The following LTBP1 variants were observed in gnomAD, a reference collection of about 807,000 sequenced individuals.
LTBP1 encodes latent-transforming growth factor beta-binding protein 1.
Under a neutral mutation model 207.6 loss-of-function variants are expected in LTBP1, and 129 were observed. The observed-to-expected ratio is 0.62, with a 90% CI of 0.54 to 0.72. LTBP1 has a LOEUF of 0.72. Ranked by LOEUF, LTBP1 falls within the 30% of genes least tolerant of loss-of-function variation. LTBP1 has a pLI of 0.00. For synonymous variants in LTBP1, 963 were observed against 833.7 expected, an observed-to-expected ratio of 1.16 and a Z score of -2.67; for missense variants, 2,281 against 2,217.2, an observed-to-expected ratio of 1.03 and a Z score of -0.58.
chr2:33,246,035 C>G (rs1476104939), intron 10 of LTBP1, among the ~76,000 whole-genome samples: 1 of 152,104 alleles, frequency 6.6e-6, no homozygotes, highest in Non-Finnish European at 1.5e-5. Context: ...TGTCATTGCC[C>G]AAATAATTCT....
intron 3 of LTBP1, among the ~76,000 whole-genome samples, chr2:33,040,890 C>T (rs2076149750): frequency 6.6e-6 from 1 of 152,140 alleles, no homozygotes; most frequent in Admixed American, 6.5e-5. Flanking sequence ...CTGGGAGACT[C>T]AGGATAGCAG....
chr2:33,289,483 C>T (rs978865693), intron 19 of LTBP1, among the ~76,000 whole-genome samples: 11 of 152,096 alleles, frequency 7.2e-5, no homozygotes, highest in African/African-American at 2.7e-4. Flanking sequence ...CCTCAGCCTC[C>T]CAAGTAGCTG....
intron 5 of LTBP1, among the ~76,000 whole-genome samples, chr2:33,143,443 A>T (rs1302404966): frequency 2.0e-5 from 3 of 152,208 alleles, no homozygotes; most frequent in Admixed American, 1.3e-4. Flanking sequence ...ATACAGCTTC[A>T]TCATTAGTTC....
intron 24 of LTBP1, among the ~76,000 whole-genome samples, chr2:33,336,704 C>G (rs1225563166): frequency 6.6e-6 from 1 of 151,998 alleles, no homozygotes; most frequent in Non-Finnish European, 1.5e-5. Context: ...AGCTGCTTCC[C>G]CTAATAGATG....
At chr2:33,073,194 T>C (rs1461602524) in intron 3 of LTBP1, among the ~76,000 whole-genome samples, 1 of 152,206 alleles carries the variant, frequency 6.6e-6, no homozygotes, top group African/African-American at 2.4e-5. Flanking sequence ...GAAAGAATTG[T>C]AGACATTTTT....
intron 7 of LTBP1, among the ~76,000 whole-genome samples, chr2:33,211,638 A>G (rs1179284113): frequency 6.6e-6 from 1 of 152,236 alleles, no homozygotes; most frequent in East Asian, 1.9e-4. Context: ...AGGACTCTGC[A>G]CAGTGCAGCA....
At position 33,005,679 on chromosome 2, in the gene LTBP1, C is replaced by G. The variant is rs138531585; in HGVS notation, c.566-15230C>G. Among the ~76,000 whole-genome samples, 466 of 151,312 alleles carry G rather than the reference C, an allele frequency of 3.1e-3. 1 individual carries two copies. The highest frequency in any genetic ancestry group is 0.011 in the African/African-American group (435 of 41,140). On this transcript the variant is annotated intron_variant, in intron 2 of 33. Transcript: ENST00000404816. ...TTGGCTCACTGCAACCTCCGCTTCC[C>G]AGGCTCAAGCAATTCTCGTCCCTCA... is the stretch of plus-strand genomic sequence containing the variant.
chr2:33,322,962 A>T (rs1157735651), intron 24 of LTBP1, among the ~76,000 whole-genome samples: 1 of 151,944 alleles, frequency 6.6e-6, no homozygotes, highest in African/African-American at 2.4e-5. Context: ...GTCACACTCC[A>T]TTGCTAGACT....
At chr2:33,231,703 ATG>A (rs1428255003) in intron 9 of LTBP1, among the ~76,000 whole-genome samples, 3 of 152,150 alleles carry the variant, frequency 2.0e-5, no homozygotes, top group Non-Finnish European at 4.4e-5. Flanking sequence ...GGAGAAAAGA[ATG>A]TGTCTTGTAG....
chr2:32,989,870 A>G (rs933231944), intron 2 of LTBP1, among the ~76,000 whole-genome samples: 1 of 152,248 alleles, frequency 6.6e-6, no homozygotes, highest in South Asian at 2.1e-4. Flanking sequence ...CGGCAAAGGT[A>G]GTAGGTAACT....
Position 33,280,003 on chromosome 2 carries a change from A to C in LTBP1, c.2993-36A>C, listed in dbSNP as rs766073722. ...AGTAAGATTTTGCTTTGGTATTCTG[A>C]TAAAATGTTCACGACCTAGGTTTTT... On this transcript the variant is annotated intron_variant, in intron 18 of 33. Coordinates refer to ENST00000404816, the MANE Select transcript of LTBP1 (RefSeq NM_206943.4). 1.4e-5 allele frequency: 23 copies of C among 1,610,704 alleles called. No individual in the cohort carries two copies. In the South Asian group the frequency reaches 2.4e-4, roughly 17 times the overall value.
intron 5 of LTBP1, among the ~76,000 whole-genome samples, chr2:33,158,989 A>G (rs1366860744): frequency 6.6e-6 from 1 of 152,194 alleles, no homozygotes; most frequent in Admixed American, 6.5e-5. Flanking sequence ...TGGAGAGCTC[A>G]GTTAAGTGAG....
At chr2:33,258,877 G>A (rs62148880) in intron 12 of LTBP1, among the ~76,000 whole-genome samples, 138 of 152,226 alleles carry the variant, frequency 9.1e-4, no homozygotes, top group Non-Finnish European at 1.6e-3. Flanking sequence ...TGTTGATCCA[G>A]GGCTTTAGAA....
At chr2:33,328,111 G>C (rs753214209) in intron 24 of LTBP1, among the ~76,000 whole-genome samples, 1 of 129,674 alleles carries the variant, frequency 7.7e-6, no homozygotes, top group East Asian at 2.1e-4. Flanking sequence ...CTCTAGCTTG[G>C]ACAACAAGAG....
At chr2:33,319,535 G>A (rs971192057) in intron 24 of LTBP1, among the ~76,000 whole-genome samples, 1 of 152,088 alleles carries the variant, frequency 6.6e-6, no homozygotes, top group Non-Finnish European at 1.5e-5. Flanking sequence ...CACCACGTCT[G>A]TCCCCATGGC....
chr2:33,290,585 A>C (rs1444482017), intron 19 of LTBP1, among the ~76,000 whole-genome samples: 1 of 152,242 alleles, frequency 6.6e-6, no homozygotes, highest in Non-Finnish European at 1.5e-5. Context: ...ACAAATTAAA[A>C]GACTGTGGCA....
chr2:32,959,443 G>C (rs1040408892), intron 2 of LTBP1, among the ~76,000 whole-genome samples: 2 of 151,460 alleles, frequency 1.3e-5, no homozygotes, highest in Admixed American at 6.6e-5. Flanking sequence ...AGGATCTTTT[G>C]TCTTTGTAAA....
intron 4 of LTBP1, among the ~76,000 whole-genome samples, chr2:33,131,511 G>A (rs753999043): frequency 1.3e-5 from 2 of 152,210 alleles, no homozygotes; most frequent in Non-Finnish European, 2.9e-5. Context: ...TGGAGATCCT[G>A]TTAGAGCTCT....
intron 32 of LTBP1, among the ~76,000 whole-genome samples, chr2:33,393,352 T>G (rs1367175863): frequency 2.6e-5 from 4 of 151,738 alleles, no homozygotes; most frequent in Non-Finnish European, 1.5e-5. Context: ...GCAGTTTTGT[T>G]ACATATGTAT....
Sources: allele counts gnomAD v4.1 joint callset (sites outside exome capture counted in the v4.1 genomes callset), GRCh38; gene constraint gnomAD v4.1.1; transcripts MANE v1.5; gene names NCBI Gene and HGNC (gene_info 2026-07-23, HGNC 2026-07-21).